Variants in BTAF1 observed in about 807,000 individuals in gnomAD.
The protein encoded by BTAF1 is B-TFIID TATA-box binding protein associated factor 1.
BTAF1 carries 38 observed loss-of-function variants against 227.1 expected under a neutral mutation model. The observed-to-expected ratio is 0.17, with a 90% CI of 0.13 to 0.22. The LOEUF is 0.22. Ranked by LOEUF, BTAF1 falls within the 10% of genes least tolerant of loss-of-function variation. The probability of loss-of-function intolerance (pLI) is 1.00; values close to 1 mark genes in which losing one functional copy is unlikely to be tolerated. For missense variants in BTAF1, 1,598 were observed against 2,204.0 expected (o/e 0.73, Z 5.51); for synonymous variants, 742 against 751.9 (o/e 0.99, Z 0.21).
chr10:92,015,335 G>T (rs985221937), intron 32 of BTAF1, among the ~76,000 whole-genome samples: 1 of 152,010 alleles, frequency 6.6e-6, no homozygotes, highest in East Asian at 1.9e-4. Context: ...CTTACTATTA[G>T]GATTTGATTC....
In BTAF1 at chr10:92,029,026, A is replaced by G. The variant is rs1487991834; in HGVS notation, c.*93A>G. On this transcript the variant is annotated 3_prime_UTR_variant, in exon 38 of 38. Transcript: ENST00000265990. Reference sequence around the variant, plus strand: ...TAAGTTTATGGTGAACTTTTAACTCAATGTGTAAATAGATCTGGAGAATAT... The same window carrying G: ...TAAGTTTATGGTGAACTTTTAACTCGATGTGTAAATAGATCTGGAGAATAT... The G allele has an allele frequency of 8.7e-7, 1 of 1,153,166 alleles. No homozygotes were observed. Among genetic ancestry groups the G allele is most frequent in the Non-Finnish European group, 1.2e-6 (1 of 823,990 alleles). 71.4% of individuals were successfully genotyped at this position (1,153,166 alleles called of 1,614,324 possible).
At position 92,024,347 on chromosome 10, in the gene BTAF1, T is replaced by G. The variant is rs186058930; in HGVS notation, c.4864-409T>G. Reference sequence around the variant, plus strand: ...ACTTTCAATAAACATTTATTGAGGCTTTAGTCTCAAGGATTGAGGAAAAGG... The same window carrying G: ...ACTTTCAATAAACATTTATTGAGGCGTTAGTCTCAAGGATTGAGGAAAAGG... On this transcript the variant is annotated intron_variant, in intron 34 of 37. Coordinates refer to ENST00000265990, the MANE Select transcript of BTAF1 (RefSeq NM_003972.3). Among the ~76,000 whole-genome samples, 328 of 152,312 alleles carry G rather than the reference T, an allele frequency of 2.2e-3. 2 individuals carry two copies. Among genetic ancestry groups the G allele is most frequent in the Non-Finnish European group, 3.6e-3 (246 of 68,034 alleles).
At chr10:92,007,674 C>G (rs1325992346) in intron 25 of BTAF1, among the ~76,000 whole-genome samples, 1 of 152,160 alleles carries the variant, frequency 6.6e-6, no homozygotes, top group East Asian at 1.9e-4. Flanking sequence ...GTAACATCTA[C>G]GCAGATATCA....
At chr10:91,967,808 A>C (rs1046349344) in intron 14 of BTAF1, among the ~76,000 whole-genome samples, 17 of 152,090 alleles carry the variant, frequency 1.1e-4, no homozygotes, top group African/African-American at 3.9e-4. Flanking sequence ...GAATTCTTAA[A>C]TTCATTTTAT....
chr10:91,964,044 A>G, intron 12 of BTAF1, 33 bp from the exon 13 acceptor site: 1 of 1,609,946 alleles, frequency 6.2e-7, no homozygotes, highest in Non-Finnish European at 8.5e-7. Context: ...TTTGTGCAAA[A>G]TTGATAACTT....
chr10:92,021,067 G>A (rs983865527), intron 34 of BTAF1, among the ~76,000 whole-genome samples: 33 of 152,304 alleles, frequency 2.2e-4, no homozygotes, highest in African/African-American at 7.5e-4. Context: ...TTCAGCCAGA[G>A]TGAAGGTTCT....
chr10:91,933,236 G>A (rs1219062855), intron 1 of BTAF1, among the ~76,000 whole-genome samples: 2 of 152,212 alleles, frequency 1.3e-5, no homozygotes, highest in African/African-American at 2.4e-5. Context: ...TTTCTGGTAG[G>A]TAAGTGTGAG....
At position 91,981,769 on chromosome 10, in the gene BTAF1, C is replaced by T. The variant is rs758748595; in HGVS notation, c.1882C>T (p.Leu628=). 4.5e-5 allele frequency: 73 copies of T among 1,613,180 alleles called. No homozygotes were observed. The highest frequency in any genetic ancestry group is 5.8e-5 in the Non-Finnish European group (69 of 1,179,670). Reference sequence around the variant, plus strand: ...TTTACCTATCGATTTAAATATGTTGCTAGAAGTAAAAGCTAGAGCCAAGGT... The same window carrying T: ...TTTACCTATCGATTTAAATATGTTGTTAGAAGTAAAAGCTAGAGCCAAGGT... ...SHLPIDLNML[L]EVKARAKEKT... Residue 628 remains leucine (L), a synonymous_variant, in exon 16 of 38, where the codon CTA becomes TTA. Transcript: ENST00000265990.
At chr10:92,013,313 A>G (rs1364059630) in intron 30 of BTAF1, among the ~76,000 whole-genome samples, 1 of 152,184 alleles carries the variant, frequency 6.6e-6, no homozygotes, top group Non-Finnish European at 1.5e-5. Context: ...TGAAATGGTG[A>G]TATTGGCCAC....
chr10:91,981,975 AAAG>A (rs1848093931), intron 16 of BTAF1, 105 bp from the exon 17 acceptor site: 2 of 1,406,702 alleles, frequency 1.4e-6, no homozygotes, highest in Middle Eastern at 2.2e-4. Context: ...AATTTTGTGA[AAAG>A]AACTGTATTT....
chr10:91,978,223 G>A lies in BTAF1; in HGVS notation c.1651-2231G>A, dbSNP rs1366873382. Among the ~76,000 whole-genome samples, 5 of 152,200 alleles carry A rather than the reference G, an allele frequency of 3.3e-5. No homozygotes were observed. In the East Asian group the frequency reaches 7.7e-4, roughly 23 times the overall value. On this transcript the variant is annotated intron_variant, in intron 14 of 37. Coordinates refer to ENST00000265990, the MANE Select transcript of BTAF1 (RefSeq NM_003972.3). The stretch of plus-strand genomic sequence containing the variant: ...ATAAAGTAGAATTTAGTAGAGTAAC[G>A]ATGTTTGTAGCCTGAGAAGACAACT...
chr10:92,018,099 T>C (rs1850867369), intron 33 of BTAF1, among the ~76,000 whole-genome samples: 1 of 152,136 alleles, frequency 6.6e-6, no homozygotes. Flanking sequence ...AATTTTTTTT[T>C]TAAAGACTGA....
chr10:91,944,205 G>C (rs531886922), intron 4 of BTAF1, among the ~76,000 whole-genome samples: 58 of 152,196 alleles, frequency 3.8e-4, no homozygotes, highest in African/African-American at 1.3e-3. Context: ...ATGTAACCAG[G>C]ATTGGGAACT....
At chr10:91,990,927 T>C (rs1022452729) in intron 20 of BTAF1, among the ~76,000 whole-genome samples, 24 of 151,244 alleles carry the variant, frequency 1.6e-4, no homozygotes, top group African/African-American at 5.6e-4. Context: ...GTCAACATGG[T>C]GAAACCCCAT....
intron 2 of BTAF1, among the ~76,000 whole-genome samples, chr10:91,939,571 C>T (rs1211039110): frequency 2.0e-5 from 3 of 152,012 alleles, no homozygotes; most frequent in East Asian, 1.9e-4. Flanking sequence ...CCCAAGTAGT[C>T]GGGATGACAG....
chr10:91,976,025 G>C (rs1014703651), intron 14 of BTAF1, among the ~76,000 whole-genome samples: 7 of 152,216 alleles, frequency 4.6e-5, no homozygotes, highest in Non-Finnish European at 1.0e-4. Flanking sequence ...ACAACAGATA[G>C]CAGTTGCAAG....
intron 34 of BTAF1, among the ~76,000 whole-genome samples, chr10:92,022,376 T>C (rs1208928608): frequency 2.0e-5 from 3 of 152,186 alleles, no homozygotes; most frequent in African/African-American, 7.2e-5. Flanking sequence ...AATTTCACTC[T>C]CTGGAACTCT....
intron 28 of BTAF1, among the ~76,000 whole-genome samples, chr10:92,009,853 T>G (rs1850177180): frequency 6.6e-6 from 1 of 152,188 alleles, no homozygotes; most frequent in Non-Finnish European, 1.5e-5. Flanking sequence ...ACTGTAAATT[T>G]TTTCAAGTGG....
chr10:91,959,209 C>T (rs1436278641), intron 9 of BTAF1, 55 bp downstream of exon 9: 1 of 1,611,092 alleles, frequency 6.2e-7, no homozygotes, highest in Admixed American at 1.7e-5. Flanking sequence ...GCATCTTTTT[C>T]CAATGTAGGG....
Sources: gnomAD v4.1 joint callset for allele counts (sites outside exome capture counted in the v4.1 genomes callset) on GRCh38, gnomAD v4.1.1 for gene constraint, MANE v1.5 for transcripts, NCBI Gene and HGNC (gene_info 2026-07-23, HGNC 2026-07-21) for gene names.